Variants in GFPT2 observed in about 807,000 individuals in gnomAD.
GFPT2 encodes the protein glutamine--fructose-6-phosphate transaminase 2.
In GFPT2, 62 loss-of-function variants were observed where a neutral mutation model predicts 85.6. That is an observed-to-expected ratio of 0.72 (90% confidence interval 0.59 to 0.90). GFPT2 has a LOEUF of 0.90. Among genes scored for constraint, GFPT2 ranks in the 40% least tolerant of loss-of-function variants. GFPT2 has a pLI of 0.00. For missense variants in GFPT2, 788 were observed against 893.4 expected (o/e 0.88, Z 1.50); for synonymous variants, 368 against 344.5 (o/e 1.07, Z -0.75).
intron 9 of GFPT2, among the ~76,000 whole-genome samples, chr5:180,321,917 G>A (rs1438219771): frequency 6.6e-6 from 1 of 152,116 alleles, no homozygotes; most frequent in African/African-American, 2.4e-5. Context: ...CCGAGTAGCT[G>A]GGACTACAGG....
chr5:180,317,561 C>T (rs548655968), intron 10 of GFPT2, among the ~76,000 whole-genome samples: 1 of 150,986 alleles, frequency 6.6e-6, no homozygotes, highest in Non-Finnish European at 1.5e-5. Flanking sequence ...AGATCGAGAC[C>T]ATCCCGGCTA....
Position 180,352,349 on chromosome 5 carries a change from A to G in GFPT2, c.7+862T>C, listed in dbSNP as rs574526059. On this transcript the variant is annotated intron_variant, in intron 1 of 18. Coordinates refer to ENST00000253778, the MANE Select transcript of GFPT2 (RefSeq NM_005110.4). ...CGAATCCTACTCAAGGAAAAAAAAA[A>G]AAAAAAAAAAGAGCACAGTGACCTT... is the stretch of plus-strand genomic sequence containing the variant. The G allele has an allele frequency of 5.3e-4, 221 of 415,196 alleles. 1 individual carries two copies. Among genetic ancestry groups the G allele is most frequent in the Middle Eastern group, 1.4e-3 (4 of 2,794 alleles). The allele number at this position is 415,196 out of a possible 1,614,324, so 25.7% of individuals were successfully genotyped here. A position where few individuals can be genotyped will look rare whatever the true frequency, so the allele number is the denominator to read the frequency against.
chr5:180,347,976 ACT>A (rs1457816599), intron 1 of GFPT2, among the ~76,000 whole-genome samples: 4 of 151,470 alleles, frequency 2.6e-5, no homozygotes, highest in African/African-American at 7.3e-5. Context: ...CCCAGCCCTC[ACT>A]CTGAGTGAGG....
At chr5:180,342,407 G>GT (rs757456841) in intron 1 of GFPT2, among the ~76,000 whole-genome samples, 51,695 of 109,438 alleles carry the variant, frequency 0.47, 13,068 homozygotes, top group Non-Finnish European at 0.49. Context: ...TAGGTGAAAT[G>GT]TTTTTTTTTT....
rs781116305 is a variant in GFPT2, at chr5:180,317,023, C to T, written c.994G>A (p.Glu332Lys). 9 of 1,611,342 alleles carry T rather than the reference C, an allele frequency of 5.6e-6. No individual in the cohort carries two copies. The highest frequency in any genetic ancestry group is 1.3e-5 in the African/African-American group (1 of 74,860). ...GTATTGAAAACTGATTCTGGCTGTT[C>T]GAAGATCTCCTTCTGCATAAACGCA... ...FSAFMQKEIF[E>K]QPESVFNTMR... Residue 332 changes from glutamate (E) to lysine (K), a missense_variant, in exon 11 of 19, where the codon GAA becomes AAA. By Grantham distance (56) the Glu-to-Lys change is moderately conservative. Coordinates refer to ENST00000253778, the MANE Select transcript of GFPT2 (RefSeq NM_005110.4).
At chr5:180,352,339 G>GAA (rs34831746) in intron 1 of GFPT2, 10,940 of 335,858 alleles carry the variant, frequency 0.033, 15 homozygotes, top group South Asian at 0.038. Flanking sequence ...CCTACTCAAG[G>GAA]AAAAAAAAAA....
At chr5:180,320,325 GA>G (rs1208300792) in intron 9 of GFPT2, among the ~76,000 whole-genome samples, 1 of 152,140 alleles carries the variant, frequency 6.6e-6, no homozygotes, top group Non-Finnish European at 1.5e-5. Context: ...TCTCTGTATG[GA>G]AAAGAATAAT....
intron 15 of GFPT2, among the ~76,000 whole-genome samples, chr5:180,308,895 A>T (rs1763825647): frequency 6.6e-6 from 1 of 150,714 alleles, no homozygotes; most frequent in South Asian, 2.1e-4. Flanking sequence ...TTTGAGACAG[A>T]GTCTCACTCT....
intron 13 of GFPT2, among the ~76,000 whole-genome samples, chr5:180,315,499 C>T (rs1250604956): frequency 5.3e-5 from 8 of 151,708 alleles, no homozygotes. Flanking sequence ...TTTCTTTTGT[C>T]ATTTTAATCA....
Position 180,349,878 on chromosome 5 carries a change from G to GT in GFPT2, c.7+3332dup, listed in dbSNP as rs61294953. On this transcript the variant is annotated intron_variant, in intron 1 of 18. Transcript: ENST00000253778. ...AATTCTCCAGCTCTTCACAGTGATT[G>GT]TTTTTTTTTTTTTCTCCCTCACAGA... Among the ~76,000 whole-genome samples, 402 of 145,890 alleles carry GT rather than the reference G, an allele frequency of 2.8e-3. 1 individual carries two copies. Among genetic ancestry groups the GT allele is most frequent in the African/African-American group, 5.1e-3 (203 of 39,704 alleles).
chr5:180,301,457 C>A lies in GFPT2; in HGVS notation c.*107G>T. The A allele has an allele frequency of 4.1e-6, 4 of 979,694 alleles. No individual in the cohort carries two copies. The highest frequency in any genetic ancestry group is 1.3e-5 in the South Asian group (1 of 74,876). 60.7% of individuals were successfully genotyped at this position (979,694 alleles called of 1,614,324 possible). On this transcript the variant is annotated 3_prime_UTR_variant, in exon 19 of 19. Transcript: ENST00000253778. ...GAAGCTGTCAAGCTCTACAGGAGCA[C>A]GCAGAACATGTGGGATGTCCACTTC...
At chr5:180,322,480 T>G (rs1581377795) in intron 9 of GFPT2, among the ~76,000 whole-genome samples, 1 of 152,212 alleles carries the variant, frequency 6.6e-6, no homozygotes, top group African/African-American at 2.4e-5. Flanking sequence ...TAGTATTGCT[T>G]TTTTGGTTCA....
chr5:180,352,856 G>C (rs570940064), intron 1 of GFPT2: 39 of 401,958 alleles, frequency 9.7e-5, no homozygotes, highest in Non-Finnish European at 1.7e-4. Context: ...GGGAGACGTG[G>C]AGGAGAGCGA....
intron 13 of GFPT2, among the ~76,000 whole-genome samples, chr5:180,315,389 A>T (rs151283954): frequency 2.6e-3 from 394 of 152,322 alleles, no homozygotes; most frequent in African/African-American, 8.9e-3. Flanking sequence ...TGTGTGAGCC[A>T]GGATGGCCTC....
At chr5:180,352,842 G>A in intron 1 of GFPT2, 2 of 373,022 alleles carry the variant, frequency 5.4e-6, no homozygotes, top group Non-Finnish European at 9.8e-6. Context: ...CTTTGTGGGC[G>A]ACTGGGAGAC....
intron 1 of GFPT2, among the ~76,000 whole-genome samples, chr5:180,343,494 C>T (rs1388430848): frequency 3.3e-5 from 5 of 152,222 alleles, no homozygotes; most frequent in African/African-American, 9.6e-5. Flanking sequence ...ACCATCTTGG[C>T]GCAAGAAAGC....
At chr5:180,315,181 C>CTTTTTT (rs536865519) in intron 13 of GFPT2, among the ~76,000 whole-genome samples, 64 of 144,140 alleles carry the variant, frequency 4.4e-4, no homozygotes, top group African/African-American at 1.5e-3. Flanking sequence ...TTTTCTTTTT[C>CTTTTTT]TTTTTTTTTT....
rs1764174535 is a variant in GFPT2 at position 180,324,408 on chromosome 5, T to A, written c.677-103A>T. The A allele has an allele frequency of 2.2e-5, 16 of 736,228 alleles. No homozygotes were observed. In the Middle Eastern group the frequency reaches 9.4e-4, roughly 43 times the overall value. The allele number at this position is 736,228 out of a possible 1,614,324, so 45.6% of individuals were successfully genotyped here. A position where few individuals can be genotyped will look rare whatever the true frequency, so the allele number is the denominator to read the frequency against. On this transcript the variant is annotated intron_variant, in intron 8 of 18. Transcript: ENST00000253778. The stretch of plus-strand genomic sequence containing the variant: ...CCTCTGAATATGTGTGGGAGAAATT[T>A]GCAATTTTTAGCTTTGGCTGTGTCA...
intron 17 of GFPT2, among the ~76,000 whole-genome samples, chr5:180,303,190 A>C (rs953157783): frequency 5.1e-4 from 77 of 150,582 alleles, no homozygotes; most frequent in Admixed American, 5.3e-4. Flanking sequence ...AGATGGCGCC[A>C]CTGCACTCCA....
Sources: allele counts gnomAD v4.1 joint callset (sites outside exome capture counted in the v4.1 genomes callset), GRCh38; gene constraint gnomAD v4.1.1; transcripts MANE v1.5; gene names NCBI Gene and HGNC (gene_info 2026-07-23, HGNC 2026-07-21).